Variants in CYB5A observed in about 807,000 individuals in gnomAD.
The protein encoded by CYB5A is cytochrome b5 type A, also known as cytochrome b5.
In CYB5A, 10 loss-of-function variants were observed where a neutral mutation model predicts 16.2. The ratio of observed to expected loss-of-function variants is 0.62; its 90% confidence interval spans 0.38 to 1.04. The LOEUF (loss-of-function observed/expected upper bound fraction) is 1.04, where lower values mean the gene tolerates loss of function less well. CYB5A is among the 50% of genes least tolerant of loss of function. The pLI, the probability that CYB5A is intolerant of heterozygous loss-of-function variation, is 0.01. For missense variants in CYB5A, 161 were observed against 165.9 expected (o/e 0.97, Z 0.16); for synonymous variants, 62 against 57.0 (o/e 1.09, Z -0.40).
intron 1 of CYB5A, among the ~76,000 whole-genome samples, chr18:74,273,148 C>G (rs570740697): frequency 1.3e-5 from 2 of 152,232 alleles, no homozygotes; most frequent in South Asian, 4.1e-4. Context: ...GAAGTGTTAG[C>G]TGAATGGTAT....
intron 1 of CYB5A, among the ~76,000 whole-genome samples, chr18:74,288,682 G>T (rs1983409949): frequency 6.6e-6 from 1 of 152,162 alleles, no homozygotes; most frequent in South Asian, 2.1e-4. Flanking sequence ...CTGAGCGAGT[G>T]AGCTTATTGG....
At chr18:74,281,581 G>A (rs1179908994) in intron 1 of CYB5A, among the ~76,000 whole-genome samples, 3 of 152,182 alleles carry the variant, frequency 2.0e-5, no homozygotes, top group Non-Finnish European at 4.4e-5. Flanking sequence ...AAGGCACCCT[G>A]GGAGACCTTG....
intron 4 of CYB5A, among the ~76,000 whole-genome samples, chr18:74,254,279 C>A (rs892332066): frequency 6.6e-6 from 1 of 151,996 alleles, no homozygotes; most frequent in African/African-American, 2.4e-5. Context: ...GCCATTAACA[C>A]CACAGCTTTA....
At chr18:74,260,817 C>G in intron 3 of CYB5A, 98 bp downstream of exon 3, 1 of 986,242 alleles carries the variant, frequency 1.0e-6, no homozygotes, top group Non-Finnish European at 1.6e-6. Context: ...AAGACCTGTG[C>G]TGGCATCAGT....
chr18:74,269,557 C>A (rs73482441), intron 1 of CYB5A, among the ~76,000 whole-genome samples: 1 of 152,184 alleles, frequency 6.6e-6, no homozygotes, highest in African/African-American at 2.4e-5. Flanking sequence ...CACACTCCAG[C>A]GTAACAGGAC....
intron 2 of CYB5A, among the ~76,000 whole-genome samples, chr18:74,262,599 A>T (rs1027998498): frequency 2.6e-5 from 4 of 152,244 alleles, no homozygotes; most frequent in Non-Finnish European, 5.9e-5. Context: ...TACAGAAGGC[A>T]GAGCTTATTC....
rs776025791 is a variant in CYB5A at position 74,291,828 on chromosome 18, C to T, written c.48G>A (p.Glu16=). 6.2e-7 allele frequency: 1 copy of T among 1,613,912 alleles called. No individual in the cohort carries two copies. Among genetic ancestry groups the T allele is most frequent in the Non-Finnish European group, 8.5e-7 (1 of 1,179,884 alleles). ...TCTTGCTGTGGTTGTGCTTCTGAAT[C>T]TCCTCTAGGGTGTAGTACTTCACGG... is the stretch of plus-strand genomic sequence containing the variant. ...DEAVKYYTLE[E]IQKHNHSKST... is the part of the protein sequence containing the mutation. Residue 16 remains glutamate (E), a synonymous_variant, in exon 1 of 5, where the codon GAG becomes GAA. Transcript: ENST00000340533.
chr18:74,268,981 T>C (rs189267503), intron 1 of CYB5A, among the ~76,000 whole-genome samples: 81 of 152,308 alleles, frequency 5.3e-4, no homozygotes, highest in African/African-American at 1.9e-3. Context: ...GGAATACCAA[T>C]ACAATAACTG....
intron 1 of CYB5A, among the ~76,000 whole-genome samples, chr18:74,277,743 G>C (rs114814154): frequency 6.6e-6 from 1 of 152,168 alleles, no homozygotes; most frequent in African/African-American, 2.4e-5. Context: ...GCAGGAGCTC[G>C]CCAGGTGAGC....
chr18:74,261,832 C>T (rs1473463916), intron 2 of CYB5A, among the ~76,000 whole-genome samples: 3 of 152,188 alleles, frequency 2.0e-5, no homozygotes, highest in Non-Finnish European at 4.4e-5. Context: ...AGTTTGCTCA[C>T]TTAGAATGAG....
chr18:74,261,409 G>A (rs898599043), intron 2 of CYB5A: 5 of 212,092 alleles, frequency 2.4e-5, no homozygotes, highest in East Asian at 1.1e-4. Context: ...CAAAAATACA[G>A]TGTGTTTAAA....
intron 1 of CYB5A, among the ~76,000 whole-genome samples, chr18:74,266,001 T>C (rs537241620): frequency 6.6e-6 from 1 of 152,300 alleles, no homozygotes; most frequent in East Asian, 1.9e-4. Flanking sequence ...CAACGGGACT[T>C]TGACATGGCT....
rs539883006 is a variant in CYB5A, at chr18:74,273,781, C to CG, written c.130-10305dup. On this transcript the variant is annotated intron_variant, in intron 1 of 4. Transcript: ENST00000340533. ...GCCAGCTCTACACTCACAGCTCCCC[C>CG]GGGGATCACAACAGGCTTCCTTCCT... Among the ~76,000 whole-genome samples the CG allele has an allele frequency of 2.6e-3, 401 of 152,322 alleles. 2 individuals carry two copies. The highest frequency in any genetic ancestry group is 9.0e-3 in the African/African-American group (375 of 41,558).
intron 1 of CYB5A, among the ~76,000 whole-genome samples, chr18:74,289,656 A>G (rs1467429747): frequency 6.6e-6 from 1 of 151,968 alleles, no homozygotes; most frequent in Non-Finnish European, 1.5e-5. Flanking sequence ...TGCGCCTGTA[A>G]TCCCAGCTAC....
rs1230901428 is a variant in CYB5A at position 74,251,020 on chromosome 18, A to T, written c.*2564T>A. On this transcript the variant is annotated 3_prime_UTR_variant, in exon 5 of 5. Coordinates refer to ENST00000340533, the MANE Select transcript of CYB5A (RefSeq NM_148923.4). Reference sequence around the variant, plus strand: ...CCGTCTCTACTAAAAATACAAAAAAATTAGCTAGGCATGGTGGCATACGCC... The same window carrying T: ...CCGTCTCTACTAAAAATACAAAAAATTTAGCTAGGCATGGTGGCATACGCC... 6.6e-6 allele frequency: 1 copy of T among 152,034 alleles called. No individual in the cohort carries two copies. The highest frequency in any genetic ancestry group is 2.4e-5 in the African/African-American group (1 of 41,352). The allele number at this position is 152,034 out of a possible 1,614,324, so 9.4% of individuals were successfully genotyped here. A position where few individuals can be genotyped will look rare whatever the true frequency, so the allele number is the denominator to read the frequency against.
intron 2 of CYB5A, among the ~76,000 whole-genome samples, chr18:74,262,625 G>A (rs1790890): frequency 0.94 from 143,474 of 152,282 alleles, 68,048 homozygotes; most frequent in East Asian, 1. Context: ...ACATAGCTCC[G>A]TTTTTATATT....
At chr18:74,280,679 G>C (rs1223519147) in intron 1 of CYB5A, among the ~76,000 whole-genome samples, 1 of 151,972 alleles carries the variant, frequency 6.6e-6, no homozygotes, top group Admixed American at 6.6e-5. Context: ...TTATGTTTTT[G>C]GTTATTGATG....
At chr18:74,263,785 C>A (rs1011715092) in intron 1 of CYB5A, among the ~76,000 whole-genome samples, 2 of 151,866 alleles carry the variant, frequency 1.3e-5, no homozygotes, top group African/African-American at 4.8e-5. Context: ...GGTGGCATGC[C>A]CCTGCAGTCC....
intron 1 of CYB5A, among the ~76,000 whole-genome samples, chr18:74,275,721 AG>A (rs1308883651): frequency 6.6e-6 from 1 of 152,208 alleles, no homozygotes; most frequent in Non-Finnish European, 1.5e-5. Flanking sequence ...AGGAACATGA[AG>A]GGGCATCCGA....
Sources: gnomAD v4.1 joint callset for allele counts (sites outside exome capture counted in the v4.1 genomes callset) on GRCh38, gnomAD v4.1.1 for gene constraint, MANE v1.5 for transcripts, NCBI Gene and HGNC (gene_info 2026-07-23, HGNC 2026-07-21) for gene names.